AKR1C4: variants seen among roughly 807,000 people sequenced by gnomAD.
The protein encoded by AKR1C4 is 3-alpha-HSD1.
In AKR1C4, 44 loss-of-function variants were observed where a neutral mutation model predicts 41.0. The observed-to-expected ratio is 1.07, with a 90% CI of 0.84 to 1.38. The LOEUF is 1.38. Among genes scored for constraint, AKR1C4 ranks in the 40% most tolerant of loss-of-function variants. AKR1C4 has a pLI of 0.00. For missense variants in AKR1C4, 438 were observed against 387.9 expected (o/e 1.13, Z -1.09); for synonymous variants, 165 against 137.7 (o/e 1.20, Z -1.39).
intron 8 of AKR1C4, 130 bp from the exon 9 acceptor site, chr10:5,218,588 T>C: frequency 1.5e-6 from 1 of 647,472 alleles, no homozygotes; most frequent in Non-Finnish European, 2.6e-6. Context: ...TGAAAGACAT[T>C]CTACAAATAG....
intron 2 of AKR1C4, among the ~76,000 whole-genome samples, chr10:5,203,761 C>A (rs1832439700): frequency 6.6e-6 from 1 of 152,184 alleles, no homozygotes. Context: ...CTCCAATCCA[C>A]AATCTTGGGA....
intron 2 of AKR1C4, among the ~76,000 whole-genome samples, chr10:5,201,384 G>T (rs782539670): frequency 6.6e-6 from 1 of 151,840 alleles, no homozygotes; most frequent in Non-Finnish European, 1.5e-5. Context: ...TCATATGTTC[G>T]TTGGCTGTTT....
intron 2 of AKR1C4, chr10:5,202,370 T>C (rs1832412899): frequency 2.6e-6 from 1 of 389,476 alleles, no homozygotes; most frequent in South Asian, 2.0e-5. Flanking sequence ...AACCTGAGAC[T>C]TTACTGAATT....
chr10:5,200,371 G>A lies in AKR1C4; in HGVS notation c.252+23G>A, dbSNP rs201712141. 5.4e-4 allele frequency: 857 copies of A among 1,597,838 alleles called. 1 individual carries two copies. Among genetic ancestry groups the A allele is most frequent in the Non-Finnish European group, 7.0e-4 (817 of 1,171,860 alleles). On this transcript the variant is annotated intron_variant, in intron 2 of 8. Transcript: ENST00000263126. Reference sequence around the variant, plus strand: ...AAGGTACTGTGCCTATGATGAGCATGTATGCACATGTGTTTAATGGGATTG... The same window carrying A: ...AAGGTACTGTGCCTATGATGAGCATATATGCACATGTGTTTAATGGGATTG...
chr10:5,211,098 C>A (rs1554797890), intron 5 of AKR1C4, among the ~76,000 whole-genome samples: 1 of 152,174 alleles, frequency 6.6e-6, no homozygotes, highest in Non-Finnish European at 1.5e-5. Flanking sequence ...GACCCTGGGC[C>A]CAGCCCATGA....
intron 3 of AKR1C4, chr10:5,204,705 T>C (rs1275137756): frequency 9.8e-6 from 7 of 711,826 alleles, no homozygotes; most frequent in Admixed American, 1.9e-5. Context: ...TCAAAGCCTC[T>C]GATTCAAAAA....
At chr10:5,208,915 AAAAC>A (rs1196635063) in intron 5 of AKR1C4, among the ~76,000 whole-genome samples, 11 of 150,464 alleles carry the variant, frequency 7.3e-5, no homozygotes, top group Admixed American at 5.9e-4. Flanking sequence ...AAACAAAAAA[AAAAC>A]ATCCAATTGT....
chr10:5,218,703 C>A lies in AKR1C4; in HGVS notation c.930-15C>A, dbSNP rs1832692608. Reference sequence around the variant, plus strand: ...CATTTCATCCATATTTATGTACTATCCTTTCTCTTTTCAGTCTTATGGACC... The same window carrying A: ...CATTTCATCCATATTTATGTACTATACTTTCTCTTTTCAGTCTTATGGACC... On this transcript the variant is annotated splice_polypyrimidine_tract_variant and intron_variant, in intron 8 of 8. Transcript: ENST00000263126. 2 of 1,574,990 alleles carry A rather than the reference C, an allele frequency of 1.3e-6. No homozygotes were observed. The highest frequency in any genetic ancestry group is 1.1e-5 in the South Asian group (1 of 90,286).
intron 8 of AKR1C4, among the ~76,000 whole-genome samples, chr10:5,218,021 G>C (rs1185823791): frequency 6.6e-6 from 1 of 152,166 alleles, no homozygotes; most frequent in Non-Finnish European, 1.5e-5. Flanking sequence ...ATCTTTATTA[G>C]TTTAGAGGAA....
chr10:5,212,573 T>G (rs782430416), intron 5 of AKR1C4, 43 bp from the exon 6 acceptor site: 19 of 1,508,864 alleles, frequency 1.3e-5, no homozygotes, highest in Non-Finnish European at 1.6e-5. Context: ...TTAACATATC[T>G]GTTTTGAATT....
chr10:5,204,532 G>A (rs1554797257), intron 3 of AKR1C4, 39 bp downstream of exon 3: 1 of 1,417,846 alleles, frequency 7.1e-7, no homozygotes, highest in Non-Finnish European at 1.0e-6. Flanking sequence ...TCTGTTCTCA[G>A]CATGACCATC....
chr10:5,210,463 G>GT (rs1285598655), intron 5 of AKR1C4, among the ~76,000 whole-genome samples: 1 of 152,228 alleles, frequency 6.6e-6, no homozygotes, highest in African/African-American at 2.4e-5. Flanking sequence ...CAGGGACTGT[G>GT]TGGGGGCTCT....
intron 8 of AKR1C4, 124 bp from the exon 9 acceptor site, chr10:5,218,594 A>C: frequency 1.4e-6 from 1 of 701,696 alleles, no homozygotes; most frequent in Non-Finnish European, 2.4e-6. Context: ...ACATTCTACA[A>C]ATAGTCCGAA....
intron 5 of AKR1C4, 100 bp downstream of exon 5, chr10:5,206,497 CAG>C (rs1832489647): frequency 7.0e-6 from 11 of 1,570,296 alleles, no homozygotes; most frequent in Non-Finnish European, 9.5e-6. Flanking sequence ...ATTTGTGAAA[CAG>C]AAGATTCTAG....
intron 2 of AKR1C4, among the ~76,000 whole-genome samples, chr10:5,201,557 G>C (rs1231183922): frequency 8.5e-5 from 13 of 152,148 alleles, no homozygotes; most frequent in African/African-American, 3.1e-4. Context: ...TAGGTTGTCT[G>C]TTTACTCGCA....
At chr10:5,213,665 G>T (rs1468358772) in intron 7 of AKR1C4, among the ~76,000 whole-genome samples, 1 of 152,112 alleles carries the variant, frequency 6.6e-6, no homozygotes, top group Non-Finnish European at 1.5e-5. Context: ...CAACATAGAG[G>T]TTTAATACAA....
chr10:5,207,596 A>C, intron 5 of AKR1C4: 1 of 1,120,336 alleles, frequency 8.9e-7, no homozygotes, highest in South Asian at 1.2e-5. Context: ...TCAGAAATTG[A>C]GAAATTGTTA....
In AKR1C4 at chr10:5,204,951, A is replaced by G. The variant is rs375821967; in HGVS notation, c.369+458A>G. 2.6e-4 allele frequency among the ~76,000 whole-genome samples: 40 copies of G among 152,324 alleles called. 1 individual carries two copies. The East Asian group carries it at 4.3e-3, about 16-fold the overall frequency. On this transcript the variant is annotated intron_variant, in intron 3 of 8. Coordinates refer to ENST00000263126, the MANE Select transcript of AKR1C4 (RefSeq NM_001818.5). ...AAGGAAACCATAATAGGACCTGAGAATCCTTGCCTTTTTCACTAAGGCTTA... is the reference window on the plus strand; with the variant it reads ...AAGGAAACCATAATAGGACCTGAGAGTCCTTGCCTTTTTCACTAAGGCTTA...
Position 5,200,273 on chromosome 10 carries a change from G to A in AKR1C4, c.177G>A (p.Glu59=). The part of the protein sequence containing the change: ...IDSAYLYNNE[E]QVGLAIRSKI... Reference sequence around the variant, plus strand: ...CTGCTTATTTATACAATAATGAGGAGCAGGTTGGACTGGCCATCCGAAGCA... The same window carrying A: ...CTGCTTATTTATACAATAATGAGGAACAGGTTGGACTGGCCATCCGAAGCA... Residue 59 remains glutamate, a synonymous_variant, in exon 2 of 9, where the codon GAG becomes GAA. Coordinates refer to ENST00000263126, the MANE Select transcript of AKR1C4 (RefSeq NM_001818.5). 6.2e-7 allele frequency: 1 copy of A among 1,614,188 alleles called. No homozygotes were observed. Among genetic ancestry groups the A allele is most frequent in the African/African-American group, 1.3e-5 (1 of 75,070 alleles).
Sources: gnomAD v4.1 joint callset for allele counts (sites outside exome capture counted in the v4.1 genomes callset) on GRCh38, gnomAD v4.1.1 for gene constraint, MANE v1.5 for transcripts, NCBI Gene and HGNC (gene_info 2026-07-23, HGNC 2026-07-21) for gene names.